PLCB3: variants seen among roughly 807,000 people sequenced by gnomAD.
The protein encoded by PLCB3 is 1-phosphatidylinositol 4,5-bisphosphate phosphodiesterase beta-3.
A neutral mutation model predicts 152.1 loss-of-function variants in PLCB3; 54 were observed. The observed-to-expected ratio is 0.36, with a 90% CI of 0.29 to 0.45. PLCB3 has a LOEUF of 0.45. Ranked by LOEUF, PLCB3 falls within the 20% of genes least tolerant of loss-of-function variation. The pLI, the probability that PLCB3 is intolerant of heterozygous loss-of-function variation, is 1.00. For missense variants in PLCB3, 1,248 were observed against 1,687.5 expected (o/e 0.74, Z 4.56); for synonymous variants, 717 against 698.7 (o/e 1.03, Z -0.41).
intron 14 of PLCB3, 38 bp from the exon 15 acceptor site, chr11:64,261,343 AGGGAATGGCCAGCTGTGGC>A: frequency 1.6e-6 from 2 of 1,263,478 alleles, no homozygotes; most frequent in Non-Finnish European, 2.3e-6. Flanking sequence ...GGGGCAGGTG[AGGGAATGGCCAGCTGTGGC>A]GGGAATGGCA....
At chr11:64,262,169 A>G in intron 17 of PLCB3, 93 bp downstream of exon 17, 1 of 1,546,102 alleles carries the variant, frequency 6.5e-7, no homozygotes, top group Non-Finnish European at 8.9e-7. Context: ...TGGACCTCTG[A>G]CCCTGTCTCA....
chr11:64,251,871 G>A (rs2031223649), intron 1 of PLCB3, 123 bp downstream of exon 1: 7 of 499,958 alleles, frequency 1.4e-5, no homozygotes, highest in Admixed American at 1.3e-4. Context: ...CCAGTCTGGC[G>A]GCGCCCCGGA....
rs770725140 is a variant in PLCB3 at position 64,262,601 on chromosome 11, G to T, written c.2193+40G>T. 2.5e-6 allele frequency: 4 copies of T among 1,612,344 alleles called. No individual in the cohort carries two copies. In the Admixed American group the frequency reaches 5.0e-5, roughly 20 times the overall value. On this transcript the variant is annotated intron_variant, in intron 18 of 30. Transcript: ENST00000279230. Reference sequence around the variant, plus strand: ...CGGCTCAGGCCAGGGGTGTCCTGGGGGCAGGACTCTCAGCATCCGCCTCAC... The same window carrying T: ...CGGCTCAGGCCAGGGGTGTCCTGGGTGCAGGACTCTCAGCATCCGCCTCAC...
chr11:64,265,399 C>T lies in PLCB3; in HGVS notation c.2932C>T (p.Arg978Cys), dbSNP rs929342331. The part of the protein sequence containing the change: ...SRQERDLREL[R>C]KKHQRKAVTL... Reference sequence around the variant, plus strand: ...GCAAGAGCGAGACCTGCGGGAGCTGCGCAAGAAGCATCAGCGGAAGGCAGT... The same window carrying T: ...GCAAGAGCGAGACCTGCGGGAGCTGTGCAAGAAGCATCAGCGGAAGGCAGT... The change falls in exon 25 of 31, where the codon CGC (arginine) becomes TGC (cysteine). Residue 978 changes from arginine to cysteine, a missense_variant. By Grantham distance (180) the Arg-to-Cys change is radical. Coordinates refer to ENST00000279230, the MANE Select transcript of PLCB3 (RefSeq NM_000932.5). 1.5e-5 allele frequency: 24 copies of T among 1,612,366 alleles called. No individual in the cohort carries two copies. Among genetic ancestry groups the T allele is most frequent in the Non-Finnish European group, 1.9e-5 (23 of 1,179,856 alleles).
At chr11:64,269,293 C>T (rs780313858), downstream of PLCB3, 7 of 152,600 alleles carry the variant, frequency 4.6e-5, no homozygotes, top group Non-Finnish European at 8.8e-5. Flanking sequence ...GATTCCGGGC[C>T]CTCGGGAGCT....
At chr11:64,251,844 G>C (rs541742320) in intron 1 of PLCB3, 96 bp downstream of exon 1, 4 of 655,460 alleles carry the variant, frequency 6.1e-6, no homozygotes, top group African/African-American at 3.8e-5. Flanking sequence ...TCGCCTGCCC[G>C]TGGCGCCACC....
At position 64,267,467 on chromosome 11, in the gene PLCB3, G is replaced by A. The variant is rs1263804546; in HGVS notation, c.3616G>A (p.Ala1206Thr). ...PEGLGDGPLV[A>T]CASNGHAPGS... The stretch of plus-strand genomic sequence containing the variant: ...GGGGCTGGGGGACGGGCCTCTGGTG[G>A]CCTGTGCCAGCAACGGTCACGCACC... The change falls in exon 31 of 31, where the codon GCC becomes ACC. Residue 1206 changes from alanine (A) to threonine (T), a missense_variant. By Grantham distance (58) the Ala-to-Thr change is moderately conservative. This residue lies in a region of PLCB3 where 477 missense variants were observed against 489.6 expected (regional missense o/e 0.97). Coordinates refer to ENST00000279230, the MANE Select transcript of PLCB3 (RefSeq NM_000932.5). The surrounding 1 kb of genome is among the most constrained non-coding windows in gnomAD (Gnocchi z 5.2). 6.4e-7 allele frequency: 1 copy of A among 1,561,422 alleles called. No individual in the cohort carries two copies. The highest frequency in any genetic ancestry group is 1.2e-5 in the South Asian group (1 of 85,480).
chr11:64,262,896 C>A, intron 19 of PLCB3, 88 bp downstream of exon 19: 1 of 1,383,842 alleles, frequency 7.2e-7, no homozygotes, highest in Non-Finnish European at 1.0e-6. Context: ...GAACCAGGCA[C>A]ACCGTTGGCG....
In PLCB3 at chr11:64,262,392, C is replaced by T; in HGVS notation, c.2039-15C>T. The T allele has an allele frequency of 6.2e-7, 1 of 1,608,804 alleles. No individual in the cohort carries two copies. Among genetic ancestry groups the T allele is most frequent in the Non-Finnish European group, 8.5e-7 (1 of 1,176,166 alleles). On this transcript the variant is annotated splice_polypyrimidine_tract_variant and intron_variant, in intron 17 of 30. Transcript: ENST00000279230. ...CTGATCCCTGCCCCTGCTCGACGTGCCCGTGGCACCCCAGATGTGGCGATG... is the reference window on the plus strand; with the variant it reads ...CTGATCCCTGCCCCTGCTCGACGTGTCCGTGGCACCCCAGATGTGGCGATG...
In PLCB3 at chr11:64,266,879, A is replaced by C. The variant is rs1031014267; in HGVS notation, c.3415-306A>C. Among the ~76,000 whole-genome samples the C allele has an allele frequency of 1.3e-5, 2 of 151,948 alleles. No individual in the cohort carries two copies. The highest frequency in any genetic ancestry group is 6.6e-5 in the Admixed American group (1 of 15,258). On this transcript the variant is annotated intron_variant, in intron 29 of 30. Coordinates refer to ENST00000279230, the MANE Select transcript of PLCB3 (RefSeq NM_000932.5). The surrounding 1 kb of genome is among the most constrained non-coding windows in gnomAD (Gnocchi z 4.9). ...CAGTGGCGCGATCTTGGCTCACTGC[A>C]ACCTCTTGGGTTCAAGCAATTCTCT...
In PLCB3 at chr11:64,264,102, G is replaced by C; in HGVS notation, c.2642G>C (p.Gly881Ala). The change falls in exon 22 of 31, where the codon GGG becomes GCG. Residue 881 changes from glycine (G) to alanine (A), a missense_variant. Coordinates refer to ENST00000279230, the MANE Select transcript of PLCB3 (RefSeq NM_000932.5). ...QRARQLAALIGESEAQAGQET... is the reference protein window; with the variant it reads ...QRARQLAALIAESEAQAGQET... ...GCCCGGCAGCTGGCCGCCCTCATTG[G>C]GGAGAGTGAGGTGAGCCGGGGCAGG... 6.5e-7 allele frequency: 1 copy of C among 1,535,636 alleles called. No individual in the cohort carries two copies.
chr11:64,262,216 C>A, intron 17 of PLCB3, 140 bp downstream of exon 17: 1 of 1,340,868 alleles, frequency 7.5e-7, no homozygotes, highest in Non-Finnish European at 1.1e-6. Context: ...CCGACTCACC[C>A]CGCCTCCTGC....
Position 64,256,433 on chromosome 11 carries a change from G to T in PLCB3, c.756G>T (p.Gln252His). ...AGCAGCTCATGGACTTCATCAACCA[G>T]AAGCAACGCGACCCGAGACTCAACG... is the stretch of plus-strand genomic sequence containing the variant. ...TLEQLMDFIN[Q>H]KQRDPRLNEV... The change falls in exon 9 of 31, where the codon CAG becomes CAT. Residue 252 changes from glutamine (Q) to histidine (H), a missense_variant. Gln to His is a conservative substitution (Grantham distance 24, BLOSUM62 0). This residue lies in a region of PLCB3 where 299 missense variants were observed against 434.7 expected (regional missense o/e 0.69). Coordinates refer to ENST00000279230, the MANE Select transcript of PLCB3 (RefSeq NM_000932.5). 1.9e-6 allele frequency: 3 copies of T among 1,613,758 alleles called. No homozygotes were observed. Among genetic ancestry groups the T allele is most frequent in the Non-Finnish European group, 2.5e-6 (3 of 1,180,020 alleles).
chr11:64,260,182 A>C lies in PLCB3; in HGVS notation c.1679A>C (p.Glu560Ala), dbSNP rs939404151. The C allele has an allele frequency of 6.3e-7, 1 of 1,598,904 alleles. No homozygotes were observed. Among genetic ancestry groups the C allele is most frequent in the Admixed American group, 1.7e-5 (1 of 57,374 alleles). Residue 560 changes from glutamate to alanine, a missense_variant, in exon 14 of 31, where the codon GAA (glutamate) becomes GCA (alanine). Physicochemically the swap from Glu to Ala is moderately radical, Grantham distance 107 (BLOSUM62 -1). This residue lies in a region of PLCB3 where 105 missense variants were observed against 100.9 expected (regional missense o/e 1.04). Coordinates refer to ENST00000279230, the MANE Select transcript of PLCB3 (RefSeq NM_000932.5). ...LGPADREDEEEDEEEEEQTDP... is the reference protein window; with the variant it reads ...LGPADREDEEADEEEEEQTDP... The stretch of plus-strand genomic sequence containing the variant: ...CCTGCTGACCGTGAGGATGAGGAGG[A>C]AGATGAGGAAGAGGAGGAACAGACA...
In PLCB3 at chr11:64,256,381, C is replaced by A; in HGVS notation, c.704C>A (p.Ala235Asp). ...CAGCTTCCTGTCCCCTCCAGAGGCG[C>A]CAAGGGCAAGCCATACCTGACGCTG... is the stretch of plus-strand genomic sequence containing the variant. ...DIDKILLEIG[A>D]KGKPYLTLEQ... Residue 235 changes from alanine (A) to aspartate (D), a missense_variant, in exon 9 of 31, where the codon GCC (alanine) becomes GAC (aspartate). Physicochemically the swap from Ala to Asp is moderately radical, Grantham distance 126. Transcript: ENST00000279230. 1 of 1,613,116 alleles carries A rather than the reference C, an allele frequency of 6.2e-7. No homozygotes were observed. Among genetic ancestry groups the A allele is most frequent in the Non-Finnish European group, 8.5e-7 (1 of 1,179,924 alleles).
chr11:64,263,230 G>T, intron 19 of PLCB3: 1 of 540,616 alleles, frequency 1.8e-6, no homozygotes. Context: ...TTCTAAACTG[G>T]CAATGACCAG....
chr11:64,252,469 C>G (rs776627484), intron 1 of PLCB3, among the ~76,000 whole-genome samples: 45 of 152,336 alleles, frequency 3.0e-4, no homozygotes, highest in Non-Finnish European at 5.4e-4. Context: ...CTGCCCATCC[C>G]CATCCTGGGT....
rs2032027124 is a variant in PLCB3, at chr11:64,264,806, C to T, written c.2653-145C>T. 1.1e-5 allele frequency: 8 copies of T among 701,322 alleles called. 1 individual carries two copies. The Admixed American group carries it at 1.4e-4, about 13-fold the overall frequency. The allele number at this position is 701,322 out of a possible 1,614,324, so 43.4% of individuals were successfully genotyped here. ...TGATTTATAGCTCTTCTCATGCAGACAGCCTCCTGTTACAGAGCAGTCCAG... is the reference window on the plus strand; with the variant it reads ...TGATTTATAGCTCTTCTCATGCAGATAGCCTCCTGTTACAGAGCAGTCCAG... On this transcript the variant is annotated intron_variant, in intron 22 of 30. Transcript: ENST00000279230.
chr11:64,256,793 G>A (rs748548913), intron 10 of PLCB3, 29 bp downstream of exon 10: 1 of 1,609,638 alleles, frequency 6.2e-7, no homozygotes, highest in South Asian at 1.1e-5. Flanking sequence ...TGGCACCCGT[G>A]ACCTCTGCCC....
Sources: gnomAD v4.1 joint callset for allele counts (sites outside exome capture counted in the v4.1 genomes callset) on GRCh38, gnomAD v4.1.1 for gene constraint, gnomAD v4.1.1 regional missense constraint, Gnocchi (gnomAD v3.1) non-coding constraint, MANE v1.5 for transcripts, NCBI Gene and HGNC (gene_info 2026-07-23, HGNC 2026-07-21) for gene names.